GULP1: variants seen among roughly 807,000 people sequenced by gnomAD.
The protein encoded by GULP1 is GULP PTB domain containing engulfment adaptor 1.
In GULP1, 19 loss-of-function variants were observed where a neutral mutation model predicts 40.9. That is an observed-to-expected ratio of 0.46 (90% CI 0.32 to 0.68). The LOEUF (loss-of-function observed/expected upper bound fraction) is 0.68. GULP1 is among the 30% of genes least tolerant of loss of function. The pLI, the probability that GULP1 is intolerant of heterozygous loss-of-function variation, is 0.03. For synonymous variants in GULP1, 119 were observed against 117.6 expected (o/e 1.01, Z -0.08); for missense variants, 312 against 362.2 (o/e 0.86, Z 1.12).
intron 2 of GULP1, among the ~76,000 whole-genome samples, chr2:188,472,991 G>C (rs187266833): frequency 6.6e-5 from 10 of 152,200 alleles, no homozygotes; most frequent in Admixed American, 4.6e-4. Context: ...TATCTGCTTT[G>C]GGGGGGACCC....
intron 1 of GULP1, among the ~76,000 whole-genome samples, chr2:188,338,913 C>T (rs550853066): frequency 6.6e-6 from 1 of 152,190 alleles, no homozygotes; most frequent in African/African-American, 2.4e-5. Flanking sequence ...TCACCAACTA[C>T]TGACAGTTTT....
At chr2:188,374,336 A>G (rs1358446640) in intron 1 of GULP1, among the ~76,000 whole-genome samples, 1 of 152,174 alleles carries the variant, frequency 6.6e-6, no homozygotes, top group African/African-American at 2.4e-5. Context: ...TACATTCAAG[A>G]GTAATTATTT....
In GULP1 at chr2:188,407,588, CT is replaced by C. The variant is rs2053296038; in HGVS notation, c.-45+23700del. ...ATCAGTTTAAAATAGCCTCTTTTAA[CT>C]GTAAGGTGTCTTGTGTAAGCCTGCT... is the stretch of plus-strand genomic sequence containing the variant. On this transcript the variant is annotated intron_variant, in intron 2 of 11. Coordinates refer to ENST00000409830, the MANE Select transcript of GULP1 (RefSeq NM_016315.4). Among the ~76,000 whole-genome samples the C allele has an allele frequency of 4.6e-5, 7 of 152,038 alleles. No individual in the cohort carries two copies. In the South Asian group the frequency reaches 1.5e-3, roughly 32 times the overall value.
intron 11 of GULP1, chr2:188,588,843 CCTT>C (rs1286457451): frequency 1.3e-5 from 2 of 152,060 alleles, no homozygotes; most frequent in Non-Finnish European, 2.9e-5. Flanking sequence ...TAATTGCAAT[CCTT>C]CTTAGAAAGT....
At chr2:188,532,938 G>A (rs1338381943) in intron 6 of GULP1, among the ~76,000 whole-genome samples, 1 of 151,920 alleles carries the variant, frequency 6.6e-6, no homozygotes, top group Non-Finnish European at 1.5e-5. Context: ...AGAAAAGAAA[G>A]AAAGATATGT....
intron 2 of GULP1, among the ~76,000 whole-genome samples, chr2:188,402,717 G>A (rs1413114458): frequency 6.6e-6 from 1 of 151,818 alleles, no homozygotes; most frequent in East Asian, 1.9e-4. Flanking sequence ...TGCTTAATAG[G>A]CCTTTTCTTT....
At chr2:188,387,585 A>G (rs2049950697) in intron 2 of GULP1, among the ~76,000 whole-genome samples, 1 of 152,194 alleles carries the variant, frequency 6.6e-6, no homozygotes. Context: ...ATTGAGGAAC[A>G]CTTTCACAAA....
At chr2:188,335,032 G>A (rs1308184196) in intron 1 of GULP1, among the ~76,000 whole-genome samples, 1 of 152,168 alleles carries the variant, frequency 6.6e-6, no homozygotes, top group African/African-American at 2.4e-5. Flanking sequence ...TTTTAAAAGA[G>A]AAGTTGCTGA....
intron 2 of GULP1, among the ~76,000 whole-genome samples, chr2:188,394,422 A>G (rs1449768598): frequency 6.6e-6 from 1 of 151,928 alleles, no homozygotes; most frequent in Non-Finnish European, 1.5e-5. Context: ...AAAAATTTTC[A>G]TTCATATCCT....
chr2:188,331,341 T>G (rs183296917), intron 1 of GULP1, among the ~76,000 whole-genome samples: 1 of 152,294 alleles, frequency 6.6e-6, no homozygotes, highest in Non-Finnish European at 1.5e-5. Context: ...CATTCCATTT[T>G]GTAATAGCTT....
At chr2:188,408,617 C>G (rs193077109) in intron 2 of GULP1, among the ~76,000 whole-genome samples, 33 of 152,218 alleles carry the variant, frequency 2.2e-4, no homozygotes, top group Admixed American at 2.0e-3. Flanking sequence ...ATTATCTAGA[C>G]AGAAAACAAT....
At position 188,568,818 on chromosome 2, in the gene GULP1, A is replaced by G. The variant is rs544606210; in HGVS notation, c.400-421A>G. On this transcript the variant is annotated intron_variant, in intron 7 of 11. Transcript: ENST00000409830. ...TAGGGTTTAACAAACCCTCCTCACA[A>G]GGAAAAGGAAATAAATAGCAAAGCA... 9.1e-4 allele frequency among the ~76,000 whole-genome samples: 138 copies of G among 152,300 alleles called. 1 individual carries two copies. Among genetic ancestry groups the G allele is most frequent in the Non-Finnish European group, 1.7e-3 (115 of 68,030 alleles).
In GULP1 at chr2:188,515,906, A is replaced by G. The variant is rs144849817; in HGVS notation, c.91-6850A>G. The stretch of plus-strand genomic sequence containing the variant: ...CTTAATTTCATTTTTATTTTATCAA[A>G]TAATCTATGTCCATTTAAAATAGTC... On this transcript the variant is annotated intron_variant, in intron 4 of 11. Transcript: ENST00000409830. 2.4e-3 allele frequency among the ~76,000 whole-genome samples: 363 copies of G among 152,326 alleles called. 2 individuals carry two copies. The highest frequency in any genetic ancestry group is 8.4e-3 in the African/African-American group (349 of 41,582).
intron 1 of GULP1, among the ~76,000 whole-genome samples, chr2:188,355,541 C>T (rs1178978260): frequency 2.0e-5 from 3 of 151,852 alleles, no homozygotes; most frequent in African/African-American, 7.2e-5. Context: ...TAAAAAGTCT[C>T]CCACCAAAGA....
chr2:188,490,319 A>G (rs886469077), intron 4 of GULP1, among the ~76,000 whole-genome samples: 1 of 152,078 alleles, frequency 6.6e-6, no homozygotes, highest in Non-Finnish European at 1.5e-5. Context: ...CCGTTTGTCT[A>G]TTTATTGCGA....
Position 188,292,277 on chromosome 2 carries a change from C to G in GULP1, c.-172+111C>G, listed in dbSNP as rs1367483734. On this transcript the variant is annotated intron_variant, in intron 1 of 11. Transcript: ENST00000409830. The surrounding 1 kb of genome is among the most constrained non-coding windows in gnomAD (Gnocchi z 4.0). ...GAGGGGCGGTGGGGGTGGACAGCTCCGGCCACCAGTGCCCGGGAAGGAGGG... is the reference window on the plus strand; with the variant it reads ...GAGGGGCGGTGGGGGTGGACAGCTCGGGCCACCAGTGCCCGGGAAGGAGGG... The G allele has an allele frequency of 6.6e-6, 1 of 152,450 alleles. No individual in the cohort carries two copies. The highest frequency in any genetic ancestry group is 1.5e-5 in the Non-Finnish European group (1 of 68,268). The allele number at this position is 152,450 out of a possible 1,614,324, so 9.4% of individuals were successfully genotyped here.
intron 5 of GULP1, among the ~76,000 whole-genome samples, chr2:188,527,481 G>A (rs1439098826): frequency 6.6e-6 from 1 of 151,760 alleles, no homozygotes; most frequent in East Asian, 1.9e-4. Flanking sequence ...AGATTATGAA[G>A]GGAAAATAAA....
chr2:188,435,917 C>T (rs970073399), intron 2 of GULP1, among the ~76,000 whole-genome samples: 16 of 152,018 alleles, frequency 1.1e-4, no homozygotes, highest in African/African-American at 3.6e-4. Flanking sequence ...TTTAAAAAGG[C>T]CCAGTCCCTC....
At chr2:188,461,750 C>G (rs1300653219) in intron 2 of GULP1, among the ~76,000 whole-genome samples, 1 of 152,118 alleles carries the variant, frequency 6.6e-6, no homozygotes, top group African/African-American at 2.4e-5. Flanking sequence ...ATAGTAGCCA[C>G]TAATGATTCT....
Sources: allele counts gnomAD v4.1 joint callset (sites outside exome capture counted in the v4.1 genomes callset), GRCh38; gene constraint gnomAD v4.1.1; non-coding constraint Gnocchi (gnomAD v3.1); transcripts MANE v1.5; gene names NCBI Gene and HGNC (gene_info 2026-07-23, HGNC 2026-07-21).